Variants in DPP10 observed in about 807,000 individuals in gnomAD.
DPP10 encodes inactive dipeptidyl peptidase 10.
In DPP10, 33 loss-of-function variants were observed where a neutral mutation model predicts 120.9. The ratio of observed to expected loss-of-function variants is 0.27; its 90% confidence interval spans 0.21 to 0.37. DPP10 has a LOEUF of 0.37. Ranked by LOEUF, DPP10 falls within the 10% of genes least tolerant of loss-of-function variation. The pLI is 1.00. For missense variants in DPP10, 816 were observed against 942.8 expected, an observed-to-expected ratio of 0.87 and a Z score of 1.76; for synonymous variants, 337 against 326.1, an observed-to-expected ratio of 1.03 and a Z score of -0.36.
intron 1 of DPP10, among the ~76,000 whole-genome samples, chr2:115,006,284 C>A (rs952737692): frequency 1.3e-5 from 2 of 151,976 alleles, no homozygotes; most frequent in South Asian, 2.1e-4. Flanking sequence ...TAAAGACCAT[C>A]GAGACTAGGA....
intron 11 of DPP10, among the ~76,000 whole-genome samples, chr2:115,760,135 C>T (rs1441960271): frequency 1.3e-5 from 2 of 152,130 alleles, no homozygotes; most frequent in East Asian, 1.9e-4. Context: ...TGTAGAGAAG[C>T]TTTATTTACA....
At chr2:114,664,996 A>G (rs539997976) in intron 1 of DPP10, among the ~76,000 whole-genome samples, 13 of 148,386 alleles carry the variant, frequency 8.8e-5, no homozygotes, top group Admixed American at 7.3e-4. Context: ...CATCCAAAAG[A>G]TGGCACAGAG....
intron 3 of DPP10, among the ~76,000 whole-genome samples, chr2:115,371,137 A>G (rs752129649): frequency 6.6e-6 from 1 of 152,140 alleles, no homozygotes; most frequent in Non-Finnish European, 1.5e-5. Flanking sequence ...ATTTCCCACA[A>G]AATTTGACCT....
intron 1 of DPP10, among the ~76,000 whole-genome samples, chr2:115,237,035 A>G (rs2058039891): frequency 6.6e-6 from 1 of 151,506 alleles, no homozygotes. Flanking sequence ...CCATCACAAT[A>G]ATAATATAAC....
At chr2:114,588,097 T>A (rs1558909317) in intron 1 of DPP10, among the ~76,000 whole-genome samples, 2 of 152,190 alleles carry the variant, frequency 1.3e-5, no homozygotes, top group African/African-American at 4.8e-5. Context: ...TTTGAAACAA[T>A]ATGGATCTAC....
chr2:115,276,149 T>C (rs2059913230), intron 1 of DPP10, among the ~76,000 whole-genome samples: 1 of 152,118 alleles, frequency 6.6e-6, no homozygotes, highest in African/African-American at 2.4e-5. Flanking sequence ...TAGGTATAGT[T>C]GTTAATAATT....
At chr2:115,514,574 A>G (rs1254611496) in intron 4 of DPP10, among the ~76,000 whole-genome samples, 3 of 151,836 alleles carry the variant, frequency 2.0e-5, no homozygotes, top group African/African-American at 7.2e-5. Flanking sequence ...ATTGTAAAAT[A>G]TAAATATTTA....
intron 1 of DPP10, among the ~76,000 whole-genome samples, chr2:115,013,125 G>A (rs1348935974): frequency 2.0e-5 from 3 of 152,132 alleles, no homozygotes; most frequent in African/African-American, 7.2e-5. Context: ...TTTTACAGTG[G>A]CTGATAGTGG....
intron 1 of DPP10, among the ~76,000 whole-genome samples, chr2:114,670,271 A>G (rs944549309): frequency 1.3e-5 from 2 of 152,188 alleles, no homozygotes; most frequent in African/African-American, 4.8e-5. Context: ...GAACCAACCC[A>G]AATGTCCCAC....
At chr2:115,460,625 GT>G (rs1457399654) in intron 3 of DPP10, among the ~76,000 whole-genome samples, 8 of 152,078 alleles carry the variant, frequency 5.3e-5, no homozygotes, top group African/African-American at 1.9e-4. Flanking sequence ...CTTTGACAGG[GT>G]AGAGTTACAT....
intron 1 of DPP10, among the ~76,000 whole-genome samples, chr2:115,067,339 C>T (rs2105429210): frequency 6.6e-6 from 1 of 151,684 alleles, no homozygotes; most frequent in South Asian, 2.1e-4. Context: ...GCAAGCTCCG[C>T]CTCCCGGGTT....
At chr2:115,258,183 C>T (rs1334652997) in intron 1 of DPP10, among the ~76,000 whole-genome samples, 1 of 152,112 alleles carries the variant, frequency 6.6e-6, no homozygotes, top group South Asian at 2.1e-4. Flanking sequence ...TTTTGTTATA[C>T]TTTATATGCC....
In DPP10 at chr2:115,845,027, A is replaced by T. The variant is rs975495773; in HGVS notation, c.*2682A>T. On this transcript the variant is annotated 3_prime_UTR_variant, in exon 26 of 26. Coordinates refer to ENST00000410059, the MANE Select transcript of DPP10 (RefSeq NM_020868.6). ...TTTTTAATTGGGTGTTTAGCATAAAAATCACTATTGGGGATCTTACAGATG... is the reference window on the plus strand; with the variant it reads ...TTTTTAATTGGGTGTTTAGCATAAATATCACTATTGGGGATCTTACAGATG... 3 of 152,160 alleles carry T rather than the reference A, an allele frequency of 2.0e-5. No homozygotes were observed. The highest frequency in any genetic ancestry group is 4.4e-5 in the Non-Finnish European group (3 of 68,026). The allele number at this position is 152,160 out of a possible 1,614,324, so 9.4% of individuals were successfully genotyped here. A position where few individuals can be genotyped will look rare whatever the true frequency, so the allele number is the denominator to read the frequency against.
intron 1 of DPP10, among the ~76,000 whole-genome samples, chr2:114,608,980 T>G: frequency 6.6e-6 from 1 of 151,966 alleles, no homozygotes; most frequent in East Asian, 1.9e-4. Context: ...GTACTTTAAA[T>G]CACAGCATCA....
chr2:115,370,323 G>A (rs1313533950), intron 3 of DPP10, among the ~76,000 whole-genome samples: 5 of 152,066 alleles, frequency 3.3e-5, no homozygotes, highest in Non-Finnish European at 7.4e-5. Flanking sequence ...TTTAGAAAAT[G>A]TCAGGGAAAC....
chr2:114,751,749 C>T (rs1679247856), intron 1 of DPP10, among the ~76,000 whole-genome samples: 1 of 152,214 alleles, frequency 6.6e-6, no homozygotes, highest in African/African-American at 2.4e-5. Flanking sequence ...ACTCCAGCCT[C>T]ACTCTCCAAA....
At chr2:114,963,099 T>A (rs1166916961) in intron 1 of DPP10, among the ~76,000 whole-genome samples, 1 of 152,218 alleles carries the variant, frequency 6.6e-6, no homozygotes. Context: ...TAAACAAAAT[T>A]CATGGATTAT....
At chr2:114,999,393 A>G (rs937976883) in intron 1 of DPP10, among the ~76,000 whole-genome samples, 1 of 152,170 alleles carries the variant, frequency 6.6e-6, no homozygotes, top group Non-Finnish European at 1.5e-5. Context: ...CCTCATTTTA[A>G]GACTAAAATG....
At chr2:115,656,797 G>T (rs557380142) in intron 5 of DPP10, among the ~76,000 whole-genome samples, 130 of 151,686 alleles carry the variant, frequency 8.6e-4, no homozygotes, top group African/African-American at 2.9e-3. Context: ...ATATTGGAAG[G>T]TTTGCTTATT....
Sources: gnomAD v4.1 joint callset for allele counts (sites outside exome capture counted in the v4.1 genomes callset) on GRCh38, gnomAD v4.1.1 for gene constraint, MANE v1.5 for transcripts, NCBI Gene and HGNC (gene_info 2026-07-23, HGNC 2026-07-21) for gene names.